CACNA1C: variants seen among roughly 807,000 people sequenced by gnomAD.
CACNA1C encodes the protein calcium voltage-gated channel subunit alpha1 C, also known as voltage-dependent L-type calcium channel subunit alpha-1C.
In CACNA1C, 30 loss-of-function variants were observed where a neutral mutation model predicts 229.0. The ratio of observed to expected loss-of-function variants is 0.13; its 90% CI spans 0.10 to 0.18. The LOEUF (loss-of-function observed/expected upper bound fraction) is 0.18, where lower values mean the gene tolerates loss of function less well. CACNA1C is among the 10% of genes least tolerant of loss of function. The pLI is 1.00. For missense variants in CACNA1C, 1,658 were observed against 2,845.0 expected (o/e 0.58, Z 9.49); for synonymous variants, 1,114 against 1,132.5 (o/e 0.98, Z 0.33).
intron 11 of CACNA1C, among the ~76,000 whole-genome samples, chr12:2,560,056 G>T (rs1201314449): frequency 1.3e-5 from 2 of 152,132 alleles, no homozygotes; most frequent in Non-Finnish European, 2.9e-5. Context: ...GCCCATCTCA[G>T]TCTGGACTGA....
intron 3 of CACNA1C, among the ~76,000 whole-genome samples, chr12:2,368,374 G>T (rs2097772892): frequency 6.6e-6 from 1 of 152,182 alleles, no homozygotes; most frequent in South Asian, 2.1e-4. Flanking sequence ...TGTGATTATA[G>T]TCCTAGAAAA....
intron 3 of CACNA1C, among the ~76,000 whole-genome samples, chr12:2,163,221 A>AC (rs2096001709): frequency 6.7e-6 from 1 of 149,550 alleles, no homozygotes; most frequent in Non-Finnish European, 1.5e-5. Flanking sequence ...AAAAAAAAAA[A>AC]GTGACCACTG....
chr12:2,089,332 T>A (rs2069180015), intron 1 of CACNA1C, among the ~76,000 whole-genome samples: 1 of 152,188 alleles, frequency 6.6e-6, no homozygotes, highest in Non-Finnish European at 1.5e-5. Context: ...TTAATTTGCA[T>A]GAAGCTAGGA....
At chr12:2,237,607 C>G (rs1218733384) in intron 3 of CACNA1C, among the ~76,000 whole-genome samples, 1 of 152,144 alleles carries the variant, frequency 6.6e-6, no homozygotes, top group Non-Finnish European at 1.5e-5. Flanking sequence ...TCCTAGTGGT[C>G]AATGGTTGGC....
chr12:2,090,693 A>G (rs960706878), intron 1 of CACNA1C, among the ~76,000 whole-genome samples: 22 of 152,360 alleles, frequency 1.4e-4, no homozygotes, highest in East Asian at 9.6e-4. Flanking sequence ...TAGTACTGCT[A>G]TGAACCTGGG....
chr12:2,593,431 T>C, intron 19 of CACNA1C, 86 bp downstream of exon 19: 1 of 1,429,294 alleles, frequency 7.0e-7, no homozygotes, highest in Non-Finnish European at 9.7e-7. Flanking sequence ...AACCTCTGGA[T>C]GGAGACTGAG....
At chr12:2,199,596 T>C (rs2097526002) in intron 3 of CACNA1C, among the ~76,000 whole-genome samples, 1 of 151,880 alleles carries the variant, frequency 6.6e-6, no homozygotes, top group Non-Finnish European at 1.5e-5. Context: ...CTCTGGGGAG[T>C]AAGAAGTTAC....
chr12:2,106,807 CG>C (rs200720497), intron 1 of CACNA1C, among the ~76,000 whole-genome samples: 1,183 of 116,686 alleles, frequency 0.01, 17 homozygotes, highest in Middle Eastern at 0.022. Context: ...GTGCTCACCC[CG>C]GGGAGGGTTT....
At chr12:2,214,167 C>G (rs1465782337) in intron 3 of CACNA1C, among the ~76,000 whole-genome samples, 1 of 152,198 alleles carries the variant, frequency 6.6e-6, no homozygotes. Flanking sequence ...CTGCTCCAGC[C>G]TCCTTGTGCC....
rs2097818311 is a variant in CACNA1C at position 2,694,124 on chromosome 12, A to T, written c.*2925A>T. The T allele has an allele frequency of 6.6e-6, 1 of 152,238 alleles. No individual in the cohort carries two copies. Among genetic ancestry groups the T allele is most frequent in the African/African-American group, 2.4e-5 (1 of 41,452 alleles). The allele number at this position is 152,238 out of a possible 1,614,324, so 9.4% of individuals were successfully genotyped here. On this transcript the variant is annotated 3_prime_UTR_variant, in exon 47 of 47. Transcript: ENST00000399655. ...CCAAGATTTCTACCAGGAGGTACAC[A>T]CAGGCGTTCCCTGTCTAGGGCAGGA...
Position 2,646,791 on chromosome 12 carries a change from T to A in CACNA1C, c.3913-1684T>A, listed in dbSNP as rs200664291. Among the ~76,000 whole-genome samples the A allele has an allele frequency of 1.8e-3, 174 of 99,220 alleles. 1 individual carries two copies. Among genetic ancestry groups the A allele is most frequent in the East Asian group, 3.5e-3 (9 of 2,604 alleles). 65.1% of individuals were successfully genotyped at this position (99,220 alleles called of 152,430 possible). On this transcript the variant is annotated intron_variant, in intron 30 of 46. Transcript: ENST00000399655. This position sits in a 1 kb window ranked among gnomAD's most constrained non-coding sequence, Gnocchi z 4.6. ...GAAAGAGAGAGAGAGAGAGAGAGAG[T>A]GTGTGTGTGCGCGTGTGTGTGTCTG...
At chr12:2,090,987 C>A (rs1199850510) in intron 1 of CACNA1C, among the ~76,000 whole-genome samples, 1 of 152,158 alleles carries the variant, frequency 6.6e-6, no homozygotes, top group Non-Finnish European at 1.5e-5. Context: ...CTCTGATGAT[C>A]AGTGATGTTG....
intron 1 of CACNA1C, chr12:1,992,034 C>G (rs2039550640): frequency 2.9e-6 from 1 of 341,222 alleles, no homozygotes; most frequent in African/African-American, 2.2e-5. Context: ...AAACTATAAA[C>G]AATTCAAACT....
chr12:2,059,689 T>G (rs972297342), intron 1 of CACNA1C, among the ~76,000 whole-genome samples: 10 of 152,300 alleles, frequency 6.6e-5, no homozygotes, highest in African/African-American at 2.4e-4. Context: ...GGGAATTTAC[T>G]TTCTAGGATC....
At chr12:2,102,707 A>G (rs577993713) in intron 1 of CACNA1C, among the ~76,000 whole-genome samples, 1 of 152,136 alleles carries the variant, frequency 6.6e-6, no homozygotes, top group East Asian at 1.9e-4. Flanking sequence ...CTACATTTGT[A>G]TTTCTCCTAA....
At chr12:2,638,108 A>G (rs1026380138) in intron 30 of CACNA1C, among the ~76,000 whole-genome samples, 2 of 152,230 alleles carry the variant, frequency 1.3e-5, no homozygotes, top group African/African-American at 4.8e-5. Context: ...ACAGATTTGC[A>G]TTGTAGAAGG....
rs1246502273 is a variant in CACNA1C at position 2,654,052 on chromosome 12, G to C, written c.4140+152G>C. ...TCTTCCATTTTCTGAGGCCCAAAAA[G>C]CCACAGGAATTGGAACTTTCCCCAA... On this transcript the variant is annotated intron_variant, in intron 33 of 46. Coordinates refer to ENST00000399655, the MANE Select transcript of CACNA1C (RefSeq NM_000719.7). The surrounding 1 kb of genome is among the most constrained non-coding windows in gnomAD (Gnocchi z 4.4). 6.6e-6 allele frequency among the ~76,000 whole-genome samples: 1 copy of C among 152,046 alleles called. No homozygotes were observed. The highest frequency in any genetic ancestry group is 1.5e-5 in the Non-Finnish European group (1 of 68,016).
In CACNA1C at chr12:2,581,573, C is replaced by A. The variant is rs746887798; in HGVS notation, c.1896-17C>A. ...AGCAAGGGGCAGAGTGCTGACCTCC[C>A]TCCTGTTGGCTCTCAGGTACTGGAA... is the stretch of plus-strand genomic sequence containing the variant. On this transcript the variant is annotated splice_polypyrimidine_tract_variant and intron_variant, in intron 13 of 46. Transcript: ENST00000399655. 1 of 1,544,376 alleles carries A rather than the reference C, an allele frequency of 6.5e-7. No individual in the cohort carries two copies. The highest frequency in any genetic ancestry group is 2.0e-5 in the Admixed American group (1 of 50,896).
At chr12:2,524,140 G>T (rs1460659424) in intron 9 of CACNA1C, among the ~76,000 whole-genome samples, 1 of 152,240 alleles carries the variant, frequency 6.6e-6, no homozygotes, top group African/African-American at 2.4e-5. Context: ...TAGTGGAAAG[G>T]TCACAGAAAG....
Sources: allele counts gnomAD v4.1 joint callset (sites outside exome capture counted in the v4.1 genomes callset), GRCh38; gene constraint gnomAD v4.1.1; non-coding constraint Gnocchi (gnomAD v3.1); transcripts MANE v1.5; gene names NCBI Gene and HGNC (gene_info 2026-07-23, HGNC 2026-07-21).